Variants in GALNT16 observed in about 807,000 individuals in gnomAD.
GALNT16 encodes UDP-GalNAc:polypeptide N-acetylgalactosaminyltransferase-like protein 1.
GALNT16 carries 40 observed loss-of-function variants against 76.1 expected under a neutral mutation model. The ratio of observed to expected loss-of-function variants is 0.53; its 90% CI spans 0.41 to 0.68. The LOEUF is 0.68. Among genes scored for constraint, GALNT16 ranks in the 30% least tolerant of loss-of-function variants. The pLI, the probability that GALNT16 is intolerant of heterozygous loss-of-function variation, is 0.00. For missense variants in GALNT16, 621 were observed against 731.9 expected (o/e 0.85, Z 1.75); for synonymous variants, 276 against 285.2 (o/e 0.97, Z 0.32).
In GALNT16 at chr14:69,333,624, GA is replaced by G; in HGVS notation, c.967+28del. On this transcript the variant is annotated intron_variant, in intron 9 of 14. Transcript: ENST00000448469. The surrounding 1 kb of genome is among the most constrained non-coding windows in gnomAD (Gnocchi z 4.2). ...TGGTGAGTTGGGAAATAGTGACAGT[GA>G]AAATAACAGTAGCAGTAATAACCAC... 1 of 1,171,508 alleles carries G rather than the reference GA, an allele frequency of 8.5e-7. No individual in the cohort carries two copies. Among genetic ancestry groups the G allele is most frequent in the South Asian group, 1.2e-5 (1 of 82,300 alleles). 72.6% of individuals were successfully genotyped at this position (1,171,508 alleles called of 1,614,324 possible). A position where few individuals can be genotyped will look rare whatever the true frequency, so the allele number is the denominator to read the frequency against.
chr14:69,370,066 G>A, the GALNT16 span, among the ~76,000 whole-genome samples: 1 of 152,312 alleles, frequency 6.6e-6, no homozygotes, highest in East Asian at 1.9e-4. Context: ...GTCTAGGGAG[G>A]TGGTTAAGCA....
chr14:69,261,317 G>C lies in GALNT16; in HGVS notation c.177+850G>C, dbSNP rs573776358. 8.5e-5 allele frequency among the ~76,000 whole-genome samples: 13 copies of C among 152,184 alleles called. No homozygotes were observed. Among genetic ancestry groups the C allele is most frequent in the Non-Finnish European group, 1.8e-4 (12 of 68,016 alleles). On this transcript the variant is annotated intron_variant, in intron 1 of 14. Transcript: ENST00000448469. This position sits in a 1 kb window ranked among gnomAD's most constrained non-coding sequence, Gnocchi z 6.4. Reference sequence around the variant, plus strand: ...AGGGGGCGATCCTGTCGCCGTCTCCGTCCGAGCCCCAGGTGACAGAGCTGT... The same window carrying C: ...AGGGGGCGATCCTGTCGCCGTCTCCCTCCGAGCCCCAGGTGACAGAGCTGT...
intron 9 of GALNT16, among the ~76,000 whole-genome samples, chr14:69,336,281 T>C (rs2045414348): frequency 6.6e-6 from 1 of 152,324 alleles, no homozygotes; most frequent in African/African-American, 2.4e-5. Context: ...GGCTAATTTT[T>C]GTATTTTTAG....
intron 1 of GALNT16, among the ~76,000 whole-genome samples, chr14:69,296,891 T>A (rs1384371983): frequency 6.6e-6 from 1 of 152,222 alleles, no homozygotes; most frequent in African/African-American, 2.4e-5. Context: ...TTACATATAC[T>A]GTTTTGTACC....
the GALNT16 span, among the ~76,000 whole-genome samples, chr14:69,377,804 C>CAAAAAAAAAA: frequency 2.7e-4 from 10 of 37,486 alleles, no homozygotes; most frequent in Non-Finnish European, 3.2e-4. Context: ...GAGACTGTCT[C>CAAAAAAAAAA]AAAAAAAAAA....
chr14:69,292,387 G>A (rs2044697883), intron 1 of GALNT16, among the ~76,000 whole-genome samples: 1 of 152,236 alleles, frequency 6.6e-6, no homozygotes, highest in African/African-American at 2.4e-5. Flanking sequence ...TAATGCTGCT[G>A]CCCCTGCTGG....
chr14:69,328,634 C>T lies in GALNT16; in HGVS notation c.690+63C>T, dbSNP rs190621989. 2.8e-5 allele frequency: 43 copies of T among 1,552,278 alleles called. No homozygotes were observed. In the East Asian group the frequency reaches 6.6e-4, roughly 24 times the overall value. The stretch of plus-strand genomic sequence containing the variant: ...GACTCAGCCACTACGTTCCTGGCAC[C>T]GAGGCCTATGGGACAGTATTTGAAG... On this transcript the variant is annotated intron_variant, in intron 6 of 14. Transcript: ENST00000448469.
rs191088783 is a variant in GALNT16 at position 69,281,458 on chromosome 14, G to T, written c.177+20991G>T. 1.1e-4 allele frequency among the ~76,000 whole-genome samples: 17 copies of T among 152,290 alleles called. No homozygotes were observed. The East Asian group carries it at 2.9e-3, about 26-fold the overall frequency. On this transcript the variant is annotated intron_variant, in intron 1 of 14. Coordinates refer to ENST00000448469, the MANE Select transcript of GALNT16 (RefSeq NM_001168368.2). ...CAGGGTCCCACTCAGAGTCCCCAAAGCACCCCTGGATTGGGATGGAGGAAA... is the reference window on the plus strand; with the variant it reads ...CAGGGTCCCACTCAGAGTCCCCAAATCACCCCTGGATTGGGATGGAGGAAA...
At chr14:69,267,172 C>T (rs2044351478) in intron 1 of GALNT16, among the ~76,000 whole-genome samples, 1 of 152,150 alleles carries the variant, frequency 6.6e-6, no homozygotes, top group Non-Finnish European at 1.5e-5. Context: ...ATGGAGAAGC[C>T]ACAGCCCTGG....
At chr14:69,282,901 A>C (rs1392449698) in intron 1 of GALNT16, among the ~76,000 whole-genome samples, 2 of 152,082 alleles carry the variant, frequency 1.3e-5, no homozygotes, top group Non-Finnish European at 2.9e-5. Flanking sequence ...CCTGACCTCA[A>C]GTGATTCTCC....
intron 1 of GALNT16, among the ~76,000 whole-genome samples, chr14:69,277,859 A>T (rs2140112181): frequency 6.6e-6 from 1 of 152,244 alleles, no homozygotes; most frequent in South Asian, 2.1e-4. Flanking sequence ...AAGTGTTCCT[A>T]TTTCTCCACA....
chr14:69,376,881 G>C, the GALNT16 span, among the ~76,000 whole-genome samples: 1 of 152,138 alleles, frequency 6.6e-6, no homozygotes. Flanking sequence ...CAGGGACCTA[G>C]AAACTATGTC....
chr14:69,310,081 C>T (rs1359018692), intron 1 of GALNT16, among the ~76,000 whole-genome samples: 1 of 152,084 alleles, frequency 6.6e-6, no homozygotes, highest in Non-Finnish European at 1.5e-5. Context: ...TATGCCAATC[C>T]TCCACATGTA....
rs55871607 is a variant in GALNT16 at position 69,345,703 on chromosome 14, A to AGTGTGTGTGTGTGTGTGTGTGTGTGT, written c.1272-1328_1272-1303dup. ...TCAGGTTTATTACCCATAAGGTGTC[A>AGTGTGTGTGTGTGTGTGTGTGTGTGT]GTGTGTGTGTGTGTGTGTGTGTGTG... On this transcript the variant is annotated intron_variant, in intron 12 of 14. Coordinates refer to ENST00000448469, the MANE Select transcript of GALNT16 (RefSeq NM_001168368.2). Among the ~76,000 whole-genome samples the AGTGTGTGTGTGTGTGTGTGTGTGTGT allele has an allele frequency of 6.3e-3, 847 of 135,052 alleles. 19 individuals carry two copies. The highest frequency in any genetic ancestry group is 7.9e-3 in the African/African-American group (287 of 36,112). The allele number at this position is 135,052 out of a possible 152,430, so 88.6% of individuals were successfully genotyped here.
At chr14:69,343,934 A>C (rs2045527467) in intron 12 of GALNT16, among the ~76,000 whole-genome samples, 1 of 152,192 alleles carries the variant, frequency 6.6e-6, no homozygotes, top group Non-Finnish European at 1.5e-5. Context: ...CACTGTGTGA[A>C]AGTTAAAATA....
In GALNT16 at chr14:69,320,347, T is replaced by C. The variant is rs897860292; in HGVS notation, c.178-364T>C. On this transcript the variant is annotated intron_variant, in intron 1 of 14. Transcript: ENST00000448469. The stretch of plus-strand genomic sequence containing the variant: ...CCACCTCTACCAAAACTATGAAAAT[T>C]AGCTAGGCGTGGTGGTGCGCACCTG... 1.8e-4 allele frequency among the ~76,000 whole-genome samples: 28 copies of C among 152,012 alleles called. 1 individual carries two copies. The highest frequency in any genetic ancestry group is 6.3e-4 in the African/African-American group (26 of 41,382).
At chr14:69,279,628 A>G (rs11620989) in intron 1 of GALNT16, among the ~76,000 whole-genome samples, 109,215 of 152,240 alleles carry the variant, frequency 0.72, 40,397 homozygotes, top group East Asian at 0.94. Context: ...GGTGTGGGAA[A>G]GGCTGTGGGG....
At chr14:69,326,120 C>A (rs2045281605) in intron 5 of GALNT16, 93 bp downstream of exon 5, 1 of 914,994 alleles carries the variant, frequency 1.1e-6, no homozygotes, top group Non-Finnish European at 1.8e-6. Flanking sequence ...GCACACCAAG[C>A]CAACATGGTC....
In GALNT16 at chr14:69,325,946, C is replaced by G; in HGVS notation, c.503-16C>G. The G allele has an allele frequency of 1.2e-6, 2 of 1,611,382 alleles. No homozygotes were observed. Among genetic ancestry groups the G allele is most frequent in the Non-Finnish European group, 1.7e-6 (2 of 1,177,538 alleles). On this transcript the variant is annotated splice_polypyrimidine_tract_variant and intron_variant, in intron 4 of 14. Coordinates refer to ENST00000448469, the MANE Select transcript of GALNT16 (RefSeq NM_001168368.2). ...CCCATGTCTAAATGAGCTTGCCTTC[C>G]TCTTTGCATCCTCAGCGGAAGACTG... is the stretch of plus-strand genomic sequence containing the variant.
Sources: allele counts gnomAD v4.1 joint callset (sites outside exome capture counted in the v4.1 genomes callset), GRCh38; gene constraint gnomAD v4.1.1; non-coding constraint Gnocchi (gnomAD v3.1); transcripts MANE v1.5; gene names NCBI Gene and HGNC (gene_info 2026-07-23, HGNC 2026-07-21).